ENOX1: variants seen among roughly 807,000 people sequenced by gnomAD.
ENOX1 encodes the protein candidate growth-related and time keeping constitutive hydroquinone (NADH) oxidase.
ENOX1 carries 42 observed loss-of-function variants against 82.5 expected under a neutral mutation model. That is an observed-to-expected ratio of 0.51 (90% CI 0.40 to 0.66). The LOEUF is 0.66. Among genes scored for constraint, ENOX1 ranks in the 30% least tolerant of loss-of-function variants. The probability of loss-of-function intolerance (pLI) is 0.00; values close to 1 mark genes in which losing one functional copy is unlikely to be tolerated. For missense variants in ENOX1, 608 were observed against 811.6 expected (o/e 0.75, Z 3.05); for synonymous variants, 271 against 282.2 (o/e 0.96, Z 0.40).
rs945899036 is a variant in ENOX1, at chr13:43,690,999, T to C, written c.-284-23455A>G. Among the ~76,000 whole-genome samples, 7 of 152,158 alleles carry C rather than the reference T, an allele frequency of 4.6e-5. 1 individual carries two copies. The highest frequency in any genetic ancestry group is 4.6e-4 in the Admixed American group (7 of 15,268). ...AGTATGTGAATGCAAAATTCACAAT[T>C]TGGACATTTTATCTAGCCTTCAATT... On this transcript the variant is annotated intron_variant, in intron 1 of 16. Transcript: ENST00000690772.
intron 8 of ENOX1, among the ~76,000 whole-genome samples, chr13:43,349,982 A>T (rs531920324): frequency 6.6e-6 from 1 of 152,284 alleles, no homozygotes; most frequent in South Asian, 2.1e-4. Flanking sequence ...GACCCTTTCT[A>T]TGGAATGCTG....
chr13:43,645,437 G>T (rs367738984), intron 2 of ENOX1, among the ~76,000 whole-genome samples: 1 of 151,866 alleles, frequency 6.6e-6, no homozygotes, highest in Non-Finnish European at 1.5e-5. Context: ...GGGATTACAG[G>T]CATGAGCCAC....
chr13:43,779,540 C>A (rs139218373), intron 1 of ENOX1, among the ~76,000 whole-genome samples: 1 of 152,210 alleles, frequency 6.6e-6, no homozygotes, highest in Non-Finnish European at 1.5e-5. Flanking sequence ...AGTGTCAGGG[C>A]ATGAGTAGCA....
intron 1 of ENOX1, among the ~76,000 whole-genome samples, chr13:43,738,927 C>T (rs2089761304): frequency 6.6e-6 from 1 of 152,158 alleles, no homozygotes; most frequent in Non-Finnish European, 1.5e-5. Context: ...CACCCAGGTC[C>T]CTTACCCTCC....
At chr13:43,515,761 G>A (rs1199835404) in intron 2 of ENOX1, among the ~76,000 whole-genome samples, 4 of 152,162 alleles carry the variant, frequency 2.6e-5, no homozygotes, top group Non-Finnish European at 5.9e-5. Flanking sequence ...GCAACTGCTC[G>A]TGGAAATCTT....
Position 43,298,326 on chromosome 13 carries a change from A to AC in ENOX1, c.1446+19_1446+20insG. The AC allele has an allele frequency of 6.4e-7, 1 of 1,572,372 alleles. No individual in the cohort carries two copies. Among genetic ancestry groups the AC allele is most frequent in the Non-Finnish European group, 8.6e-7 (1 of 1,167,238 alleles). ...ATATCTCTTTCTCTCAAAAAAAAAA[A>AC]AAAAATCTGGGCCAGGTACCTGCTG... On this transcript the variant is annotated intron_variant, in intron 12 of 16. Transcript: ENST00000690772.
chr13:43,315,235 A>G (rs2047411523), intron 11 of ENOX1, among the ~76,000 whole-genome samples: 1 of 152,222 alleles, frequency 6.6e-6, no homozygotes, highest in Non-Finnish European at 1.5e-5. Context: ...ATTTTTATTC[A>G]AAAAACAACT....
chr13:43,658,293 T>C (rs1315137365), intron 2 of ENOX1, among the ~76,000 whole-genome samples: 1 of 152,146 alleles, frequency 6.6e-6, no homozygotes, highest in Admixed American at 6.5e-5. Flanking sequence ...AAGACAAAAA[T>C]TTATATGCAC....
At position 43,786,004 on chromosome 13, in the gene ENOX1, T is replaced by C. The variant is rs1454878780; in HGVS notation, c.-285+648A>G. ...CGAGTCCGGCTGCCCCAGTGCCTCC[T>C]TTACCTCGCGTTGGGCCAGGCAGGG... On this transcript the variant is annotated intron_variant, in intron 1 of 16. Transcript: ENST00000690772. This position sits in a 1 kb window ranked among gnomAD's most constrained non-coding sequence, Gnocchi z 6.0. Among the ~76,000 whole-genome samples the C allele has an allele frequency of 4.6e-5, 7 of 151,994 alleles. No individual in the cohort carries two copies. The highest frequency in any genetic ancestry group is 8.8e-5 in the Non-Finnish European group (6 of 67,982).
At chr13:43,393,312 T>C (rs9533473) in intron 5 of ENOX1, among the ~76,000 whole-genome samples, 33,274 of 152,142 alleles carry the variant, frequency 0.22, 4,543 homozygotes, top group East Asian at 0.51. Context: ...GAAAGGTATT[T>C]TTTAATTTCT....
chr13:43,348,924 T>A (rs1229648071), intron 8 of ENOX1, among the ~76,000 whole-genome samples: 1 of 152,218 alleles, frequency 6.6e-6, no homozygotes, highest in Admixed American at 6.5e-5. Flanking sequence ...AATTTATCTA[T>A]GAAATTGTGA....
At chr13:43,390,693 T>C (rs755212574) in intron 5 of ENOX1, among the ~76,000 whole-genome samples, 31 of 152,296 alleles carry the variant, frequency 2.0e-4, no homozygotes, top group Middle Eastern at 3.4e-3. Flanking sequence ...CATATCCTAA[T>C]TGTCTTAATT....
At chr13:43,383,326 A>G (rs1214816155) in intron 5 of ENOX1, among the ~76,000 whole-genome samples, 1 of 152,162 alleles carries the variant, frequency 6.6e-6, no homozygotes, top group East Asian at 1.9e-4. Context: ...AGCCATGAGC[A>G]GAATAAGAAA....
At chr13:43,664,219 T>C (rs2084869451) in intron 2 of ENOX1, among the ~76,000 whole-genome samples, 1 of 152,218 alleles carries the variant, frequency 6.6e-6, no homozygotes, top group Admixed American at 6.5e-5. Flanking sequence ...AAATCAGAGT[T>C]TAACAAGTTA....
At chr13:43,565,656 A>G (rs2079885432) in intron 2 of ENOX1, among the ~76,000 whole-genome samples, 1 of 152,150 alleles carries the variant, frequency 6.6e-6, no homozygotes, top group Admixed American at 6.6e-5. Flanking sequence ...TTAATTTTTT[A>G]GATAAGGAAA....
chr13:43,674,291 A>G (rs528739079), intron 1 of ENOX1, among the ~76,000 whole-genome samples: 84 of 152,204 alleles, frequency 5.5e-4, no homozygotes, highest in Non-Finnish European at 8.4e-4. Flanking sequence ...AAGACAGGTG[A>G]TAAACCAAAA....
chr13:43,317,174 T>C (rs1323671547), intron 11 of ENOX1, among the ~76,000 whole-genome samples: 1 of 152,228 alleles, frequency 6.6e-6, no homozygotes, highest in Non-Finnish European at 1.5e-5. Context: ...ACTTTCAGTG[T>C]CTGAATTCTC....
At chr13:43,326,754 G>C (rs993451035) in intron 9 of ENOX1, among the ~76,000 whole-genome samples, 1 of 152,172 alleles carries the variant, frequency 6.6e-6, no homozygotes, top group Non-Finnish European at 1.5e-5. Context: ...GTATGACCGG[G>C]AGAAGGGCAA....
chr13:43,559,054 A>C (rs967450479), intron 2 of ENOX1, among the ~76,000 whole-genome samples: 3 of 152,182 alleles, frequency 2.0e-5, no homozygotes, highest in Non-Finnish European at 4.4e-5. Context: ...CAGAGTAAAA[A>C]TATGTTACCA....
Sources: allele counts gnomAD v4.1 joint callset (sites outside exome capture counted in the v4.1 genomes callset), GRCh38; gene constraint gnomAD v4.1.1; non-coding constraint Gnocchi (gnomAD v3.1); transcripts MANE v1.5; gene names NCBI Gene and HGNC (gene_info 2026-07-23, HGNC 2026-07-21).